CCSER1: variants seen among roughly 807,000 people sequenced by gnomAD.
The protein encoded by CCSER1 is serine-rich coiled-coil domain-containing protein 1.
Under a neutral mutation model 82.0 loss-of-function variants are expected in CCSER1, and 41 were observed. The observed-to-expected ratio is 0.50, with a 90% CI of 0.39 to 0.65. CCSER1 has a LOEUF of 0.65. Ranked by LOEUF, CCSER1 falls within the 30% of genes least tolerant of loss-of-function variation. The probability of loss-of-function intolerance (pLI) is 0.00; values close to 1 mark genes in which losing one functional copy is unlikely to be tolerated. For synonymous variants in CCSER1, 414 were observed against 383.9 expected (o/e 1.08, Z -0.92); for missense variants, 1,119 against 1,064.2 (o/e 1.05, Z -0.72).
At chr4:90,786,743 C>A (rs1333967428) in intron 7 of CCSER1, among the ~76,000 whole-genome samples, 1 of 152,136 alleles carries the variant, frequency 6.6e-6, no homozygotes, top group African/African-American at 2.4e-5. Context: ...GAGGGTTCCC[C>A]ACACAGAGCA....
At chr4:90,963,309 C>T (rs1734224092) in intron 9 of CCSER1, among the ~76,000 whole-genome samples, 1 of 152,008 alleles carries the variant, frequency 6.6e-6, no homozygotes, top group Non-Finnish European at 1.5e-5. Flanking sequence ...TCCTTAACAG[C>T]AGAGTCTATG....
In CCSER1 at chr4:90,256,084, T is replaced by C. The variant is rs185864037; in HGVS notation, c.-41-52160T>C. On this transcript the variant is annotated intron_variant, in intron 1 of 10. Coordinates refer to ENST00000509176, the MANE Select transcript of CCSER1 (RefSeq NM_001145065.2). ...TATGCCAAAATTTTTCTTCATCTTA[T>C]ATAATTTGTTTTCATATTTTTCACA... 2.0e-3 allele frequency among the ~76,000 whole-genome samples: 307 copies of C among 152,274 alleles called. 2 individuals carry two copies. Among genetic ancestry groups the C allele is most frequent in the African/African-American group, 6.6e-3 (275 of 41,566 alleles).
At chr4:91,485,751 G>A (rs866657957) in intron 10 of CCSER1, among the ~76,000 whole-genome samples, 2 of 152,016 alleles carry the variant, frequency 1.3e-5, no homozygotes, top group South Asian at 2.1e-4. Context: ...TCTTAAAATG[G>A]CATTATTTTC....
chr4:90,706,006 A>G (rs1049151329), intron 6 of CCSER1, among the ~76,000 whole-genome samples: 3 of 152,146 alleles, frequency 2.0e-5, no homozygotes, highest in Non-Finnish European at 4.4e-5. Flanking sequence ...GACAAGCCCC[A>G]GTGAGATGAA....
intron 9 of CCSER1, among the ~76,000 whole-genome samples, chr4:91,065,762 T>A (rs889198502): frequency 1.3e-4 from 20 of 152,128 alleles, no homozygotes. Context: ...TATTAGTTGA[T>A]ACACATACAG....
chr4:90,921,163 T>C (rs60737503), intron 8 of CCSER1, among the ~76,000 whole-genome samples: 35,242 of 151,794 alleles, frequency 0.23, 4,813 homozygotes, highest in Non-Finnish European at 0.31. Context: ...CCATCTACCA[T>C]TTAGAAATAC....
intron 6 of CCSER1, among the ~76,000 whole-genome samples, chr4:90,657,168 C>CT (rs1294546696): frequency 3.3e-5 from 5 of 151,940 alleles, no homozygotes; most frequent in African/African-American, 1.2e-4. Context: ...CCCTTTCATT[C>CT]TTTTTTCCTT....
Position 90,699,985 on chromosome 4 carries a change from A to G in CCSER1, c.1933-23929A>G, listed in dbSNP as rs563067206. ...GCCAGTGCAATCTGCTTATGTCTCAATCTTTTTTTTTTTTAATTATACTTT... is the reference window on the plus strand; with the variant it reads ...GCCAGTGCAATCTGCTTATGTCTCAGTCTTTTTTTTTTTTAATTATACTTT... On this transcript the variant is annotated intron_variant, in intron 6 of 10. Coordinates refer to ENST00000509176, the MANE Select transcript of CCSER1 (RefSeq NM_001145065.2). 3.3e-5 allele frequency among the ~76,000 whole-genome samples: 5 copies of G among 151,386 alleles called. No individual in the cohort carries two copies. In the South Asian group the frequency reaches 1.1e-3, roughly 32 times the overall value.
intron 3 of CCSER1, among the ~76,000 whole-genome samples, chr4:90,357,135 T>A (rs1343826312): frequency 1.3e-5 from 2 of 151,930 alleles, no homozygotes; most frequent in Non-Finnish European, 2.9e-5. Flanking sequence ...CTTATTTAAT[T>A]ATAGAATTTC....
intron 8 of CCSER1, chr4:90,918,278 A>G (rs147261876): frequency 4.4e-6 from 2 of 454,468 alleles, no homozygotes; most frequent in African/African-American, 4.0e-5. Context: ...CAAGTTTTTG[A>G]AAGTTCATCT....
At chr4:90,992,493 T>C (rs1340413727) in intron 9 of CCSER1, among the ~76,000 whole-genome samples, 2 of 152,046 alleles carry the variant, frequency 1.3e-5, no homozygotes, top group African/African-American at 4.8e-5. Flanking sequence ...ACAGTTTGTT[T>C]TGGGTTAGGA....
At chr4:90,801,571 G>C (rs189337754) in intron 7 of CCSER1, among the ~76,000 whole-genome samples, 2 of 152,226 alleles carry the variant, frequency 1.3e-5, no homozygotes, top group East Asian at 1.9e-4. Flanking sequence ...ACTGTATCAA[G>C]AGACAATGCT....
At chr4:91,521,834 T>C (rs182511883) in intron 10 of CCSER1, among the ~76,000 whole-genome samples, 3 of 152,344 alleles carry the variant, frequency 2.0e-5, no homozygotes, top group East Asian at 3.9e-4. Flanking sequence ...GTAGGTTGCC[T>C]GTTCACTCTG....
chr4:90,334,446 A>G (rs1227040573), intron 3 of CCSER1, among the ~76,000 whole-genome samples: 1 of 152,100 alleles, frequency 6.6e-6, no homozygotes, highest in East Asian at 1.9e-4. Context: ...ACTTTACATA[A>G]AAAAAGACAG....
At chr4:91,268,819 G>T (rs1424337210) in intron 10 of CCSER1, among the ~76,000 whole-genome samples, 1 of 152,170 alleles carries the variant, frequency 6.6e-6, no homozygotes, top group Admixed American at 6.5e-5. Flanking sequence ...AATCAGTTAA[G>T]GTGGGGCAGG....
rs532153810 is a variant in CCSER1, at chr4:91,061,101, AAAT to A, written c.2173-24845_2173-24843del. The stretch of plus-strand genomic sequence containing the variant: ...ATACTATTTTTATGCTCATACTCCT[AAAT>A]AATGACTTTAAAATGTATTGCACTT... On this transcript the variant is annotated intron_variant, in intron 9 of 10. Transcript: ENST00000509176. 3.2e-4 allele frequency among the ~76,000 whole-genome samples: 48 copies of A among 152,158 alleles called. 1 individual carries two copies. In the South Asian group the frequency reaches 9.5e-3, roughly 30 times the overall value.
chr4:91,025,857 A>T (rs57040256), intron 9 of CCSER1, among the ~76,000 whole-genome samples: 40,828 of 151,646 alleles, frequency 0.27, 6,791 homozygotes, highest in East Asian at 0.39. Flanking sequence ...TTTGGTTTTG[A>T]TTTTGTCTGC....
intron 7 of CCSER1, among the ~76,000 whole-genome samples, chr4:90,744,682 T>C (rs2149454444): frequency 6.6e-6 from 1 of 152,274 alleles, no homozygotes; most frequent in South Asian, 2.1e-4. Context: ...CATTACCACC[T>C]GAGCTCTGCC....
intron 8 of CCSER1, among the ~76,000 whole-genome samples, chr4:90,873,304 C>G (rs1402726160): frequency 6.6e-6 from 1 of 151,940 alleles, no homozygotes; most frequent in African/African-American, 2.4e-5. Flanking sequence ...TGTGTATTTT[C>G]AAATAGAGTG....
Sources: gnomAD v4.1 joint callset for allele counts (sites outside exome capture counted in the v4.1 genomes callset) on GRCh38, gnomAD v4.1.1 for gene constraint, MANE v1.5 for transcripts, NCBI Gene and HGNC (gene_info 2026-07-23, HGNC 2026-07-21) for gene names.